Variants in FNDC3B observed in about 807,000 individuals in gnomAD.
The protein encoded by FNDC3B is fibronectin type III domain containing 3B, also known as fibronectin type III domain-containing protein 3B.
In FNDC3B, 12 loss-of-function variants were observed where a neutral mutation model predicts 151.5. That is an observed-to-expected ratio of 0.08 (90% confidence interval 0.05 to 0.13). The LOEUF is 0.13. Ranked by LOEUF, FNDC3B falls within the 10% of genes least tolerant of loss-of-function variation. The probability of loss-of-function intolerance (pLI) is 1.00; values close to 1 mark genes in which losing one functional copy is unlikely to be tolerated. For missense variants in FNDC3B, 1,214 were observed against 1,505.3 expected (o/e 0.81, Z 3.20); for synonymous variants, 528 against 549.0 (o/e 0.96, Z 0.54).
intron 21 of FNDC3B, among the ~76,000 whole-genome samples, chr3:172,349,126 CA>C (rs139525185): frequency 1.3e-3 from 180 of 138,482 alleles, no homozygotes; most frequent in Admixed American, 1.2e-3. Flanking sequence ...CCCTCCTCTA[CA>C]AAAAAAAAAA....
intron 3 of FNDC3B, among the ~76,000 whole-genome samples, chr3:172,224,766 C>T (rs766506968): frequency 1.3e-5 from 2 of 152,060 alleles, no homozygotes; most frequent in African/African-American, 2.4e-5. Flanking sequence ...TTTTCATTGC[C>T]GACAGCACAA....
At chr3:172,299,275 C>G (rs1454077116) in intron 9 of FNDC3B, among the ~76,000 whole-genome samples, 1 of 152,204 alleles carries the variant, frequency 6.6e-6, no homozygotes, top group African/African-American at 2.4e-5. Flanking sequence ...AGAATTAACT[C>G]AATTTGGCTA....
chr3:172,332,469 A>G (rs1732732080), intron 13 of FNDC3B, among the ~76,000 whole-genome samples: 1 of 152,182 alleles, frequency 6.6e-6, no homozygotes, highest in Non-Finnish European at 1.5e-5. Context: ...CTGGAATGTG[A>G]GCTTCTTGTG....
intron 6 of FNDC3B, among the ~76,000 whole-genome samples, chr3:172,275,870 A>C (rs2108810153): frequency 6.6e-6 from 1 of 152,284 alleles, no homozygotes; most frequent in Non-Finnish European, 1.5e-5. Flanking sequence ...CAAGAAATGA[A>C]ATACCACCAG....
intron 3 of FNDC3B, among the ~76,000 whole-genome samples, chr3:172,202,896 A>G (rs904581733): frequency 2.6e-5 from 4 of 152,192 alleles, no homozygotes; most frequent in Non-Finnish European, 5.9e-5. Context: ...TTTTTCTGTA[A>G]AGGGCAAGAT....
chr3:172,199,186 ATTT>A (rs59302352), intron 3 of FNDC3B, among the ~76,000 whole-genome samples: 1 of 128,212 alleles, frequency 7.8e-6, no homozygotes, highest in Non-Finnish European at 1.7e-5. Context: ...TTTATTTTTT[ATTT>A]TTTTTTTTTT....
Position 172,352,956 on chromosome 3 carries a change from T to C in FNDC3B, c.2668T>C (p.Trp890Arg), listed in dbSNP as rs1733929181. ...DSPSACLVLN[W>R]EEPCNNGSEI... ...ACCTTCTGCGTGCCTTGTACTGAAC[T>C]GGGAAGAGCCGTGCAATAACGGATC... Residue 890 changes from tryptophan to arginine, a missense_variant, in exon 22 of 26, where the codon TGG (tryptophan) becomes CGG (arginine). Physicochemically the swap from Trp to Arg is moderately radical, Grantham distance 101. Around this residue, in one of 7 missense-constraint regions of FNDC3B, gnomAD observed 284 missense variants for 392.4 expected, o/e 0.72. Coordinates refer to ENST00000415807, the MANE Select transcript of FNDC3B (RefSeq NM_022763.4). This position sits in a 1 kb window ranked among gnomAD's most constrained non-coding sequence, Gnocchi z 4.2. The C allele has an allele frequency of 6.2e-7, 1 of 1,614,060 alleles. No homozygotes were observed. Among genetic ancestry groups the C allele is most frequent in the Non-Finnish European group, 8.5e-7 (1 of 1,180,038 alleles).
chr3:172,042,831 GTTT>G (rs397696676), intron 1 of FNDC3B, among the ~76,000 whole-genome samples: 4 of 141,442 alleles, frequency 2.8e-5, no homozygotes, highest in Admixed American at 7.1e-5. Context: ...AACAGTTTAA[GTTT>G]TTTTTTTTTT....
rs1733613077 is a variant in FNDC3B at position 172,346,342 on chromosome 3, G to C, written c.2266G>C (p.Asp756His). 6.2e-7 allele frequency: 1 copy of C among 1,610,288 alleles called. No individual in the cohort carries two copies. The highest frequency in any genetic ancestry group is 1.3e-5 in the African/African-American group (1 of 74,808). ...LNDGGYGPYS[D>H]VSEITTAAGP... The stretch of plus-strand genomic sequence containing the variant: ...TTTCTTTCAGTATGGTCCCTATTCT[G>C]ATGTCTCAGAAATTACCACTGCTGC... Residue 756 changes from aspartate to histidine, a missense_variant, in exon 20 of 26, where the codon GAT becomes CAT. By Grantham distance (81) the Asp-to-His change is moderately conservative. This residue lies in a region of FNDC3B where 380 missense variants were observed against 420.9 expected (regional missense o/e 0.90). Coordinates refer to ENST00000415807, the MANE Select transcript of FNDC3B (RefSeq NM_022763.4).
At chr3:172,257,606 A>G (rs541650321) in intron 6 of FNDC3B, among the ~76,000 whole-genome samples, 19 of 142,800 alleles carry the variant, frequency 1.3e-4, no homozygotes, top group South Asian at 4.5e-4. Flanking sequence ...ACACACACAC[A>G]CACGCACTCT....
In FNDC3B at chr3:172,330,977, TAGAAATTA is replaced by T. The variant is rs570433060; in HGVS notation, c.1554+263_1554+270del. Among the ~76,000 whole-genome samples the T allele has an allele frequency of 6.0e-4, 76 of 126,194 alleles. No homozygotes were observed. In the East Asian group the frequency reaches 0.014, roughly 23 times the overall value. 82.8% of individuals were successfully genotyped at this position (126,194 alleles called of 152,430 possible). A position where few individuals can be genotyped will look rare whatever the true frequency, so the allele number is the denominator to read the frequency against. On this transcript the variant is annotated intron_variant, in intron 13 of 25. Coordinates refer to ENST00000415807, the MANE Select transcript of FNDC3B (RefSeq NM_022763.4). Reference sequence around the variant, plus strand: ...TCAGAAAATCCTTTTGAATCTTCCTTAGAAATTATTTAGAAATTAACCATTTTTATCTC... The same window carrying T: ...TCAGAAAATCCTTTTGAATCTTCCTTTTTAGAAATTAACCATTTTTATCTC...
At position 172,300,182 on chromosome 3, in the gene FNDC3B, A is replaced by T. The variant is rs535151056; in HGVS notation, c.1061+1395A>T. On this transcript the variant is annotated intron_variant, in intron 9 of 25. Transcript: ENST00000415807. Reference sequence around the variant, plus strand: ...CTGTGTAATTTGTGAAGCTAAGATGATAATAGAAATGGTTTAACCATTATT... The same window carrying T: ...CTGTGTAATTTGTGAAGCTAAGATGTTAATAGAAATGGTTTAACCATTATT... 2.1e-4 allele frequency among the ~76,000 whole-genome samples: 32 copies of T among 152,366 alleles called. No homozygotes were observed. In the South Asian group the frequency reaches 6.6e-3, roughly 32 times the overall value.
At chr3:172,319,539 A>G (rs570881074) in intron 11 of FNDC3B, among the ~76,000 whole-genome samples, 1 of 152,318 alleles carries the variant, frequency 6.6e-6, no homozygotes, top group Non-Finnish European at 1.5e-5. Flanking sequence ...ATTTGGTAAC[A>G]TGGAACCACA....
intron 6 of FNDC3B, among the ~76,000 whole-genome samples, chr3:172,269,549 TATG>T (rs1729089053): frequency 6.6e-6 from 1 of 152,148 alleles, no homozygotes; most frequent in African/African-American, 2.4e-5. Context: ...GGATTACACC[TATG>T]AGCTACTGCC....
rs374427121 is a variant in FNDC3B, at chr3:172,167,780, C to T, written c.187+34234C>T. Among the ~76,000 whole-genome samples, 38 of 152,244 alleles carry T rather than the reference C, an allele frequency of 2.5e-4. 1 individual carries two copies. Among genetic ancestry groups the T allele is most frequent in the African/African-American group, 4.3e-4 (18 of 41,532 alleles). On this transcript the variant is annotated intron_variant, in intron 3 of 25. Coordinates refer to ENST00000415807, the MANE Select transcript of FNDC3B (RefSeq NM_022763.4). ...GTGGCATTAGACTCTCATAGGAGCA[C>T]GAACCCTATTGTGAACTGCGCATGT...
At chr3:172,149,650 CTT>C (rs1053241879) in intron 3 of FNDC3B, among the ~76,000 whole-genome samples, 1 of 151,864 alleles carries the variant, frequency 6.6e-6, no homozygotes, top group Non-Finnish European at 1.5e-5. Flanking sequence ...TCATTGAGAC[CTT>C]ACTTTAGGTC....
chr3:172,153,665 A>T (rs1722343707), intron 3 of FNDC3B, among the ~76,000 whole-genome samples: 1 of 152,242 alleles, frequency 6.6e-6, no homozygotes, highest in South Asian at 2.1e-4. Context: ...AGGAGGAAGA[A>T]AAACAGGAGT....
intron 1 of FNDC3B, among the ~76,000 whole-genome samples, chr3:172,078,146 A>G (rs1718109251): frequency 6.6e-6 from 1 of 152,046 alleles, no homozygotes; most frequent in Non-Finnish European, 1.5e-5. Flanking sequence ...ATGGCCTGCT[A>G]ATTTTTGTAC....
In FNDC3B at chr3:172,112,488, C is replaced by T. The variant is rs1366300584; in HGVS notation, c.9C>T (p.Val3=). The T allele has an allele frequency of 6.2e-7, 1 of 1,613,340 alleles. No individual in the cohort carries two copies. The highest frequency in any genetic ancestry group is 2.2e-5 in the East Asian group (1 of 44,870). The part of the protein sequence containing the change: MY[V]TMMMTDQIPL... Reference sequence around the variant, plus strand: ...AGGGAAGTTCTCCATGAATGTACGTCACAATGATGATGACCGACCAAATCC... The same window carrying T: ...AGGGAAGTTCTCCATGAATGTACGTTACAATGATGATGACCGACCAAATCC... The change falls in exon 2 of 26, where the codon GTC becomes GTT. Residue 3 remains valine (V), a synonymous_variant. Transcript: ENST00000415807.
Sources: allele counts gnomAD v4.1 joint callset (sites outside exome capture counted in the v4.1 genomes callset), GRCh38; gene constraint gnomAD v4.1.1; regional missense constraint gnomAD v4.1.1; non-coding constraint Gnocchi (gnomAD v3.1); transcripts MANE v1.5; gene names NCBI Gene and HGNC (gene_info 2026-07-23, HGNC 2026-07-21).